TMTC2: variants seen among roughly 807,000 people sequenced by gnomAD.
TMTC2 encodes protein O-mannosyl-transferase TMTC2.
A neutral mutation model predicts 82.4 loss-of-function variants in TMTC2; 43 were observed. The observed-to-expected ratio is 0.52, with a 90% CI of 0.41 to 0.67. The LOEUF (loss-of-function observed/expected upper bound fraction) is 0.67. TMTC2 is among the 30% of genes least tolerant of loss of function. The pLI, the probability that TMTC2 is intolerant of heterozygous loss-of-function variation, is 0.00. For synonymous variants in TMTC2, 408 were observed against 381.9 expected, an observed-to-expected ratio of 1.07 and a Z score of -0.80; for missense variants, 919 against 1,012.4, an observed-to-expected ratio of 0.91 and a Z score of 1.25.
chr12:83,079,038 A>T (rs75043751), intron 11 of TMTC2, among the ~76,000 whole-genome samples: 2,484 of 152,296 alleles, frequency 0.016, 66 homozygotes, highest in African/African-American at 0.055. Context: ...ATATATGTAT[A>T]AGCTACTAAT....
At chr12:83,002,767 T>G (rs566821511) in intron 8 of TMTC2, among the ~76,000 whole-genome samples, 17 of 131,036 alleles carry the variant, frequency 1.3e-4, no homozygotes, top group Non-Finnish European at 2.6e-4. Context: ...TGAGAGTGTG[T>G]TTGGTAAGAT....
At chr12:82,814,912 A>G (rs1490284913) in intron 1 of TMTC2, among the ~76,000 whole-genome samples, 4 of 152,154 alleles carry the variant, frequency 2.6e-5, no homozygotes, top group African/African-American at 9.6e-5. Context: ...AAAATGGAGA[A>G]ATAGACCTGA....
At chr12:83,034,366 G>GA (rs200117096) in intron 9 of TMTC2, among the ~76,000 whole-genome samples, 62 of 151,370 alleles carry the variant, frequency 4.1e-4, no homozygotes, top group East Asian at 4.1e-3. Flanking sequence ...TCACAGCAGA[G>GA]AAAAAAAAAC....
chr12:83,083,415 C>T (rs998967983), intron 11 of TMTC2, among the ~76,000 whole-genome samples: 2 of 152,186 alleles, frequency 1.3e-5, no homozygotes, highest in Non-Finnish European at 2.9e-5. Flanking sequence ...ATCATTGAGA[C>T]TTTGCATCCC....
chr12:82,953,581 TG>T (rs1347707603), intron 4 of TMTC2, among the ~76,000 whole-genome samples: 1 of 152,178 alleles, frequency 6.6e-6, no homozygotes, highest in African/African-American at 2.4e-5. Context: ...ATATTATAAA[TG>T]TTGCTTAAAA....
At chr12:82,724,500 G>A (rs570915565) in intron 1 of TMTC2, among the ~76,000 whole-genome samples, 3 of 152,232 alleles carry the variant, frequency 2.0e-5, no homozygotes, top group South Asian at 4.1e-4. Context: ...CAGTTCCCCT[G>A]CGCTCTCTCT....
intron 1 of TMTC2, among the ~76,000 whole-genome samples, chr12:82,845,611 G>A (rs1245005810): frequency 1.3e-4 from 20 of 151,958 alleles, no homozygotes; most frequent in Admixed American, 6.6e-4. Context: ...TGAGAAGGAG[G>A]TGAGGTGTAC....
Position 82,930,480 on chromosome 12 carries a change from A to G in TMTC2, c.1533A>G (p.Glu511=). 1 of 1,605,146 alleles carries G rather than the reference A, an allele frequency of 6.2e-7. No homozygotes were observed. The highest frequency in any genetic ancestry group is 8.5e-7 in the Non-Finnish European group (1 of 1,173,262). ...TGAAGAGTCAGAGCAAAATTTCTGA[A>G]GCTGAAAGCGCCTATAGAAATGCTT... The part of the protein sequence containing the change: ...NVLKSQSKIS[E]AESAYRNALY... Residue 511 remains glutamate (E), a synonymous_variant, in exon 4 of 12, where the codon GAA becomes GAG. Transcript: ENST00000321196.
chr12:82,982,817 A>G (rs1344725380), intron 7 of TMTC2, among the ~76,000 whole-genome samples: 1 of 151,954 alleles, frequency 6.6e-6, no homozygotes, highest in African/African-American at 2.4e-5. Flanking sequence ...GAAGGCAATC[A>G]ATGAGTTAAG....
intron 1 of TMTC2, among the ~76,000 whole-genome samples, chr12:82,783,290 C>CTGTGTGTGTGTG (rs72110651): frequency 0.036 from 4,308 of 119,326 alleles, 97 homozygotes; most frequent in Middle Eastern, 0.09. Context: ...GTATATGCCT[C>CTGTGTGTGTGTG]TGTGTGTGTG....
At position 82,743,312 on chromosome 12, in the gene TMTC2, G is replaced by A. The variant is rs1169812949; in HGVS notation, c.83+55643G>A. Among the ~76,000 whole-genome samples, 3 of 151,956 alleles carry A rather than the reference G, an allele frequency of 2.0e-5. 1 individual carries two copies. The highest frequency in any genetic ancestry group is 4.2e-4 in the South Asian group (2 of 4,802). On this transcript the variant is annotated intron_variant, in intron 1 of 11. Transcript: ENST00000321196. ...AAAAATTAGCTGGGAATGGTGGTGC[G>A]TTCCTGTAATCATAGCTACTCGGTA...
chr12:83,084,501 G>A (rs568615130), intron 11 of TMTC2, among the ~76,000 whole-genome samples: 17 of 152,022 alleles, frequency 1.1e-4, no homozygotes, highest in African/African-American at 4.1e-4. Flanking sequence ...CCCTATATAA[G>A]ATTTCTTTTA....
chr12:83,009,641 C>T (rs1880364148), intron 8 of TMTC2, among the ~76,000 whole-genome samples: 1 of 151,592 alleles, frequency 6.6e-6, no homozygotes, highest in Non-Finnish European at 1.5e-5. Flanking sequence ...TTCCTTTTTC[C>T]CCCAAAAAAA....
chr12:82,834,761 T>A (rs181529127), intron 1 of TMTC2, among the ~76,000 whole-genome samples: 1 of 152,332 alleles, frequency 6.6e-6, no homozygotes, highest in Non-Finnish European at 1.5e-5. Flanking sequence ...ATTTACTTAA[T>A]CATTCTGCAA....
At chr12:82,782,595 T>A (rs1281163062) in intron 1 of TMTC2, among the ~76,000 whole-genome samples, 3 of 152,184 alleles carry the variant, frequency 2.0e-5, no homozygotes, top group African/African-American at 7.2e-5. Flanking sequence ...TCACTCATGA[T>A]CACTTTGGAG....
chr12:82,747,528 T>C (rs1875754084), intron 1 of TMTC2, among the ~76,000 whole-genome samples: 1 of 152,136 alleles, frequency 6.6e-6, no homozygotes, highest in Non-Finnish European at 1.5e-5. Flanking sequence ...CCAAGTGTAA[T>C]GAAGGAAAGA....
At chr12:82,805,047 TC>T (rs1486928637) in intron 1 of TMTC2, among the ~76,000 whole-genome samples, 1 of 152,154 alleles carries the variant, frequency 6.6e-6, no homozygotes, top group East Asian at 1.9e-4. Context: ...ACATGAGGCG[TC>T]CACCCTACTG....
At chr12:82,771,629 A>C (rs901480917) in intron 1 of TMTC2, among the ~76,000 whole-genome samples, 2 of 152,228 alleles carry the variant, frequency 1.3e-5, no homozygotes, top group Admixed American at 6.5e-5. Flanking sequence ...AATGCTTTTA[A>C]ATTTGATAAC....
At chr12:82,833,522 C>A (rs1441323420) in intron 1 of TMTC2, among the ~76,000 whole-genome samples, 3 of 152,198 alleles carry the variant, frequency 2.0e-5, no homozygotes, top group African/African-American at 7.2e-5. Context: ...ATATCTATTT[C>A]TTTTTCTCAA....
Sources: gnomAD v4.1 joint callset for allele counts (sites outside exome capture counted in the v4.1 genomes callset) on GRCh38, gnomAD v4.1.1 for gene constraint, MANE v1.5 for transcripts, NCBI Gene and HGNC (gene_info 2026-07-23, HGNC 2026-07-21) for gene names.